The following HERC1 variants were observed in gnomAD, a reference collection of about 807,000 sequenced individuals.
HERC1 encodes the protein probable E3 ubiquitin-protein ligase HERC1.
Under a neutral mutation model 554.3 loss-of-function variants are expected in HERC1, and 160 were observed. The ratio of observed to expected loss-of-function variants is 0.29; its 90% CI spans 0.25 to 0.33. The LOEUF is 0.33. Among genes scored for constraint, HERC1 ranks in the 10% least tolerant of loss-of-function variants. HERC1 has a pLI of 1.00. For missense variants in HERC1, 4,919 were observed against 5,918.5 expected, an observed-to-expected ratio of 0.83 and a Z score of 5.54; for synonymous variants, 2,175 against 2,131.7, an observed-to-expected ratio of 1.02 and a Z score of -0.56.
At chr15:63,755,106 T>C in intron 6 of HERC1, 123 bp downstream of exon 6, 1 of 675,972 alleles carries the variant, frequency 1.5e-6, no homozygotes, top group Non-Finnish European at 2.6e-6. Context: ...TATCTTCCTC[T>C]GAGCTTAAAC....
At chr15:63,717,682 T>G (rs1313524916) in intron 21 of HERC1, among the ~76,000 whole-genome samples, 1 of 152,068 alleles carries the variant, frequency 6.6e-6, no homozygotes, top group Non-Finnish European at 1.5e-5. Flanking sequence ...ACCAGCCTGG[T>G]CAACACGGTG....
At chr15:63,706,925 A>G in intron 24 of HERC1, 94 bp from the exon 25 acceptor site, 1 of 750,850 alleles carries the variant, frequency 1.3e-6, no homozygotes, top group South Asian at 2.1e-5. Flanking sequence ...AATTCATGTA[A>G]TTACAGCAAT....
chr15:63,800,821 C>T (rs1268761525), intron 1 of HERC1, among the ~76,000 whole-genome samples: 2 of 152,148 alleles, frequency 1.3e-5, no homozygotes, highest in African/African-American at 4.8e-5. Context: ...TGAGTTTATG[C>T]TAATGAGGTG....
At chr15:63,698,006 C>G (rs1203876468) in intron 26 of HERC1, among the ~76,000 whole-genome samples, 2 of 152,152 alleles carry the variant, frequency 1.3e-5, no homozygotes, top group Non-Finnish European at 1.5e-5. Flanking sequence ...ATGTCTCTTT[C>G]AAGTTTTGCT....
At chr15:63,798,158 T>C (rs2076867422) in intron 1 of HERC1, among the ~76,000 whole-genome samples, 1 of 152,170 alleles carries the variant, frequency 6.6e-6, no homozygotes, top group African/African-American at 2.4e-5. Context: ...ATCAGTGCTT[T>C]AGGATAAAAT....
At chr15:63,746,596 C>G (rs1222521446) in intron 12 of HERC1, among the ~76,000 whole-genome samples, 1 of 152,126 alleles carries the variant, frequency 6.6e-6, no homozygotes. Flanking sequence ...GCCCTAGGTC[C>G]TTGCCCTCAG....
Position 63,771,680 on chromosome 15 carries a change from G to A in HERC1, c.930+3014C>T, listed in dbSNP as rs143789226. Among the ~76,000 whole-genome samples, 1,133 of 152,084 alleles carry A rather than the reference G, an allele frequency of 7.4e-3. 14 individuals are homozygous for A. Among genetic ancestry groups the A allele is most frequent in the African/African-American group, 0.025 (1,040 of 41,486 alleles). ...ACTCCTGACCTCAGGTGATCTGCCC[G>A]CCTCGGCCTCCCAAAGTGCTGGGAT... On this transcript the variant is annotated intron_variant, in intron 2 of 77. Coordinates refer to ENST00000443617, the MANE Select transcript of HERC1 (RefSeq NM_003922.4).
intron 1 of HERC1, among the ~76,000 whole-genome samples, chr15:63,788,874 CAA>C (rs1161447448): frequency 1.3e-4 from 9 of 67,380 alleles, no homozygotes; most frequent in African/African-American, 2.4e-4. Context: ...GACTCCGTCT[CAA>C]AAAAAAAAAA....
chr15:63,790,187 AC>A (rs1229183604), intron 1 of HERC1, among the ~76,000 whole-genome samples: 1 of 152,172 alleles, frequency 6.6e-6, no homozygotes, highest in Admixed American at 6.5e-5. Flanking sequence ...GGAACTCAGT[AC>A]ATACTCAATA....
intron 2 of HERC1, among the ~76,000 whole-genome samples, chr15:63,770,554 GA>G (rs1290766174): frequency 6.6e-6 from 1 of 152,192 alleles, no homozygotes; most frequent in Non-Finnish European, 1.5e-5. Flanking sequence ...TTTATAATTT[GA>G]AGATGTACAC....
At chr15:63,819,487 G>A (rs981333584) in intron 1 of HERC1, among the ~76,000 whole-genome samples, 3 of 152,146 alleles carry the variant, frequency 2.0e-5, no homozygotes, top group Non-Finnish European at 4.4e-5. Context: ...TAGGTTTCAA[G>A]GTCTACCAAG....
intron 75 of HERC1, 145 bp downstream of exon 75, chr15:63,616,285 C>A: frequency 1.2e-6 from 1 of 827,998 alleles, no homozygotes; most frequent in Non-Finnish European, 1.9e-6. Context: ...TGCGGTTGAG[C>A]TGCTAAGGGC....
chr15:63,612,482 C>T lies in HERC1; in HGVS notation c.14169G>A (p.Leu4723=), dbSNP rs536629729. 37 of 1,614,032 alleles carry T rather than the reference C, an allele frequency of 2.3e-5. No homozygotes were observed. The highest frequency in any genetic ancestry group is 3.1e-5 in the Non-Finnish European group (36 of 1,179,888). Residue 4723 remains leucine (L), a synonymous_variant, in exon 77 of 78, where the codon CTG becomes CTA. Transcript: ENST00000443617. The surrounding 1 kb of genome is among the most constrained non-coding windows in gnomAD (Gnocchi z 5.0). ...CGGGCATCCCACACACCATCTGCTC[C>T]AGTTGTTTTGCTGTGAGGAGGGACA... ...PLLSLLTAKQ[L]EQMVCGMPEI... is the part of the protein sequence containing the mutation.
intron 19 of HERC1, 61 bp downstream of exon 19, chr15:63,723,121 A>G: frequency 9.5e-7 from 1 of 1,057,680 alleles, no homozygotes; most frequent in Non-Finnish European, 1.3e-6. Context: ...TATATTGCAT[A>G]TATATTTGCG....
intron 67 of HERC1, among the ~76,000 whole-genome samples, 151 bp from the exon 68 acceptor site, chr15:63,632,962 T>C (rs892692648): frequency 2.0e-4 from 30 of 152,250 alleles, no homozygotes; most frequent in African/African-American, 7.0e-4. Flanking sequence ...AAATGTTATT[T>C]TCTCCTACTG....
Position 63,659,933 on chromosome 15 carries a change from T to G in HERC1, c.9227A>C (p.Asp3076Ala), listed in dbSNP as rs2070262247. The change falls in exon 47 of 78, where the codon GAC (aspartate) becomes GCC (alanine). Residue 3076 changes from aspartate to alanine, a missense_variant. Asp to Ala is a moderately radical substitution (Grantham distance 126). This residue lies in a region of HERC1 where 1,963 missense variants were observed against 2,228.6 expected (regional missense o/e 0.88). Coordinates refer to ENST00000443617, the MANE Select transcript of HERC1 (RefSeq NM_003922.4). Reference protein sequence around the residue: ...IGKQDSVYEEDWDMLDVDEDE... With the variant: ...IGKQDSVYEEAWDMLDVDEDE... ...TTCATCAACATCCAACATGTCCCAG[T>G]CTTCTGGAATTTAAATAAATAAATG... 5.6e-6 allele frequency: 9 copies of G among 1,602,116 alleles called. No individual in the cohort carries two copies. In the South Asian group the frequency reaches 8.8e-5, roughly 16 times the overall value.
chr15:63,629,064 C>T (rs2068433344), intron 69 of HERC1, among the ~76,000 whole-genome samples: 1 of 151,900 alleles, frequency 6.6e-6, no homozygotes, highest in Non-Finnish European at 1.5e-5. Flanking sequence ...AATTTTCTGC[C>T]TCAGCCTCCC....
intron 2 of HERC1, among the ~76,000 whole-genome samples, chr15:63,770,232 T>C (rs1227075924): frequency 1.3e-5 from 2 of 152,146 alleles, no homozygotes; most frequent in African/African-American, 4.8e-5. Flanking sequence ...CACCTCACAA[T>C]TGCTGGCAAA....
intron 25 of HERC1, 138 bp from the exon 26 acceptor site, chr15:63,699,134 A>T (rs2072586259): frequency 2.9e-6 from 2 of 694,944 alleles, no homozygotes; most frequent in African/African-American, 3.5e-5. Flanking sequence ...GCATGCATTA[A>T]GTGAATCTGA....
Sources: gnomAD v4.1 joint callset for allele counts (sites outside exome capture counted in the v4.1 genomes callset) on GRCh38, gnomAD v4.1.1 for gene constraint, gnomAD v4.1.1 regional missense constraint, Gnocchi (gnomAD v3.1) non-coding constraint, MANE v1.5 for transcripts, NCBI Gene and HGNC (gene_info 2026-07-23, HGNC 2026-07-21) for gene names.